The following ROBO2 variants were observed in gnomAD, a reference collection of about 807,000 sequenced individuals.
ROBO2 encodes the protein roundabout guidance receptor 2, also known as roundabout homolog 2.
In ROBO2, 53 loss-of-function variants were observed where a neutral mutation model predicts 160.8. The ratio of observed to expected loss-of-function variants is 0.33; its 90% CI spans 0.26 to 0.41. The LOEUF is 0.41. Among genes scored for constraint, ROBO2 ranks in the 10% least tolerant of loss-of-function variants. ROBO2 has a pLI of 1.00. For synonymous variants in ROBO2, 664 were observed against 611.7 expected, an observed-to-expected ratio of 1.09 and a Z score of -1.26; for missense variants, 1,577 against 1,722.4, an observed-to-expected ratio of 0.92 and a Z score of 1.49.
chr3:77,121,099 C>T (rs2074718346), intron 2 of ROBO2, among the ~76,000 whole-genome samples: 1 of 152,028 alleles, frequency 6.6e-6, no homozygotes, highest in Non-Finnish European at 1.5e-5. Flanking sequence ...CACCTGCCAC[C>T]ATGCGAGGCT....
intron 2 of ROBO2, among the ~76,000 whole-genome samples, chr3:76,364,459 A>G (rs2075695700): frequency 6.6e-6 from 1 of 152,048 alleles, no homozygotes; most frequent in Non-Finnish European, 1.5e-5. Flanking sequence ...AAAACCTAGA[A>G]TAACGCCTGT....
At chr3:76,444,692 TG>T (rs1439387244) in intron 2 of ROBO2, among the ~76,000 whole-genome samples, 2 of 152,250 alleles carry the variant, frequency 1.3e-5, no homozygotes, top group African/African-American at 2.4e-5. Flanking sequence ...CCTTGACACA[TG>T]GGGATTGCGG....
chr3:76,409,860 C>A (rs541338964), intron 2 of ROBO2, among the ~76,000 whole-genome samples: 40 of 152,028 alleles, frequency 2.6e-4, no homozygotes, highest in Non-Finnish European at 5.3e-4. Flanking sequence ...TTTTTAAATT[C>A]TTGGATTTCA....
chr3:76,062,822 C>T (rs571204332), intron 2 of ROBO2, among the ~76,000 whole-genome samples: 10 of 152,186 alleles, frequency 6.6e-5, no homozygotes, highest in African/African-American at 2.4e-4. Flanking sequence ...TTCTAGACCA[C>T]GAATTAACAT....
intron 2 of ROBO2, among the ~76,000 whole-genome samples, chr3:76,723,971 A>T (rs141908728): frequency 6.6e-6 from 1 of 152,184 alleles, no homozygotes; most frequent in African/African-American, 2.4e-5. Flanking sequence ...AAGTTTGAGA[A>T]TGGCCGTCTA....
chr3:77,162,380 C>T (rs1008534315), intron 2 of ROBO2, among the ~76,000 whole-genome samples: 7 of 152,266 alleles, frequency 4.6e-5, no homozygotes, highest in African/African-American at 1.7e-4. Context: ...ATTGACCTTA[C>T]ACATTTAGAT....
chr3:76,194,853 C>T (rs571943813), intron 2 of ROBO2, among the ~76,000 whole-genome samples: 41 of 152,238 alleles, frequency 2.7e-4, no homozygotes, highest in African/African-American at 9.1e-4. Flanking sequence ...TTCCTGACCT[C>T]GTGATCCGCC....
chr3:75,964,446 T>G (rs2107304461), intron 2 of ROBO2, among the ~76,000 whole-genome samples: 1 of 151,828 alleles, frequency 6.6e-6, no homozygotes, highest in African/African-American at 2.4e-5. Flanking sequence ...CTGATTTTTC[T>G]GACTATGGTT....
At chr3:77,005,847 C>A (rs1285580027) in intron 2 of ROBO2, among the ~76,000 whole-genome samples, 2 of 152,124 alleles carry the variant, frequency 1.3e-5, no homozygotes, top group Non-Finnish European at 2.9e-5. Flanking sequence ...TGTGTTTACA[C>A]CAGAATTGGC....
At chr3:76,240,395 A>G (rs773692526) in intron 2 of ROBO2, among the ~76,000 whole-genome samples, 3 of 151,632 alleles carry the variant, frequency 2.0e-5, no homozygotes, top group Non-Finnish European at 4.4e-5. Flanking sequence ...CTATACTTTC[A>G]AAGGGAGTGT....
At chr3:76,020,938 A>G (rs2066557316) in intron 2 of ROBO2, among the ~76,000 whole-genome samples, 1 of 151,846 alleles carries the variant, frequency 6.6e-6, no homozygotes, top group African/African-American at 2.4e-5. Context: ...GAGGAGTACA[A>G]ATACTAATAA....
intron 2 of ROBO2, among the ~76,000 whole-genome samples, chr3:76,621,131 CT>C (rs201775288): frequency 3.0e-4 from 35 of 118,446 alleles, no homozygotes; most frequent in African/African-American, 8.4e-4. Context: ...TTAGTTTATG[CT>C]TTTTTTTTTT....
intron 2 of ROBO2, among the ~76,000 whole-genome samples, chr3:76,369,323 C>T (rs919677080): frequency 1.3e-5 from 2 of 152,078 alleles, no homozygotes; most frequent in East Asian, 1.9e-4. Flanking sequence ...CCGGTTTCCA[C>T]GCTCTCTTCT....
At chr3:77,023,822 A>AT (rs1300832747) in intron 2 of ROBO2, among the ~76,000 whole-genome samples, 1 of 152,222 alleles carries the variant, frequency 6.6e-6, no homozygotes. Context: ...TTAGCCTACG[A>AT]TATCTACAGC....
At chr3:77,052,983 A>T (rs993640399) in intron 1 of ROBO2, among the ~76,000 whole-genome samples, 2 of 152,208 alleles carry the variant, frequency 1.3e-5, no homozygotes. Context: ...TTATATATGT[A>T]TGCCTGTATG....
chr3:77,009,096 T>C (rs1017298108), intron 2 of ROBO2, among the ~76,000 whole-genome samples: 8 of 152,188 alleles, frequency 5.3e-5, no homozygotes, highest in Non-Finnish European at 1.0e-4. Context: ...TAATACTTAC[T>C]TAAAAAGTAA....
chr3:77,606,220 A>G (rs201663868), intron 20 of ROBO2, among the ~76,000 whole-genome samples: 7 of 32,076 alleles, frequency 2.2e-4, no homozygotes, highest in Non-Finnish European at 4.2e-4. Flanking sequence ...GATATGGGGG[A>G]AAAAAAAGAA....
At chr3:76,296,457 C>G (rs1003975449) in intron 2 of ROBO2, among the ~76,000 whole-genome samples, 1 of 152,110 alleles carries the variant, frequency 6.6e-6, no homozygotes, top group Non-Finnish European at 1.5e-5. Context: ...AGATGAGAAT[C>G]CTACCTATCA....
At chr3:76,794,615 T>C (rs2063570543) in intron 2 of ROBO2, among the ~76,000 whole-genome samples, 2 of 152,022 alleles carry the variant, frequency 1.3e-5, no homozygotes, top group African/African-American at 4.8e-5. Context: ...AAGCCATTTT[T>C]TGACCTTACA....
Sources: gnomAD v4.1 joint callset for allele counts (sites outside exome capture counted in the v4.1 genomes callset) on GRCh38, gnomAD v4.1.1 for gene constraint, MANE v1.5 for transcripts, NCBI Gene and HGNC (gene_info 2026-07-23, HGNC 2026-07-21) for gene names.